DLGAP1: variants seen among roughly 807,000 people sequenced by gnomAD.
DLGAP1 encodes the protein disks large-associated protein 1.
In DLGAP1, 11 loss-of-function variants were observed where a neutral mutation model predicts 90.8. That is an observed-to-expected ratio of 0.12 (90% CI 0.08 to 0.20). The LOEUF is 0.20. DLGAP1 is among the 10% of genes least tolerant of loss of function. The pLI, the probability that DLGAP1 is intolerant of heterozygous loss-of-function variation, is 1.00. For missense variants in DLGAP1, 1,050 were observed against 1,333.8 expected, an observed-to-expected ratio of 0.79 and a Z score of 3.31; for synonymous variants, 558 against 540.7, an observed-to-expected ratio of 1.03 and a Z score of -0.44.
chr18:3,974,618 T>C (rs894574558), intron 3 of DLGAP1, among the ~76,000 whole-genome samples: 3 of 152,168 alleles, frequency 2.0e-5, no homozygotes, highest in African/African-American at 7.2e-5. Context: ...CTGGTGTTCC[T>C]GCTTTGGTTA....
At chr18:4,311,421 G>A (rs926745829) in intron 1 of DLGAP1, among the ~76,000 whole-genome samples, 1 of 152,206 alleles carries the variant, frequency 6.6e-6, no homozygotes, top group Non-Finnish European at 1.5e-5. Flanking sequence ...TGCCTTAGCA[G>A]TTTCTATCTT....
intron 7 of DLGAP1, among the ~76,000 whole-genome samples, chr18:3,618,130 A>C (rs2057947646): frequency 6.6e-6 from 1 of 152,260 alleles, no homozygotes. Context: ...AGAGTCTAAC[A>C]AAGGTTTATC....
chr18:3,502,249 A>C, intron 12 of DLGAP1: 1 of 1,359,982 alleles, frequency 7.4e-7, no homozygotes, highest in Non-Finnish European at 9.5e-7. Flanking sequence ...TTAATTAACA[A>C]AAAAAGCCAC....
At chr18:4,119,699 T>TA (rs896984838) in intron 2 of DLGAP1, among the ~76,000 whole-genome samples, 14 of 151,732 alleles carry the variant, frequency 9.2e-5, no homozygotes, top group Middle Eastern at 3.4e-3. Flanking sequence ...AAGCACTCTT[T>TA]AAAAAAAAAT....
intron 1 of DLGAP1, chr18:4,248,537 G>T (rs1292598044): frequency 6.6e-6 from 1 of 152,226 alleles, no homozygotes. Context: ...CTCAAGGGGG[G>T]AAAGGGGAGA....
At chr18:4,262,995 T>G (rs2079033060) in intron 1 of DLGAP1, among the ~76,000 whole-genome samples, 1 of 152,140 alleles carries the variant, frequency 6.6e-6, no homozygotes, top group African/African-American at 2.4e-5. Flanking sequence ...TGCAGTGGTG[T>G]GATTTCGGCT....
chr18:3,527,741 C>T (rs535960985), intron 10 of DLGAP1, among the ~76,000 whole-genome samples: 13 of 151,938 alleles, frequency 8.6e-5, no homozygotes, highest in African/African-American at 2.9e-4. Flanking sequence ...CAGGTGCATG[C>T]CACCAAGCCT....
At chr18:4,423,186 G>A (rs2083079597) in intron 1 of DLGAP1, among the ~76,000 whole-genome samples, 1 of 152,072 alleles carries the variant, frequency 6.6e-6, no homozygotes, top group Non-Finnish European at 1.5e-5. Context: ...TAAATATTCA[G>A]TTTCTCTGGT....
At chr18:3,900,837 A>G in intron 3 of DLGAP1, among the ~76,000 whole-genome samples, 1 of 152,190 alleles carries the variant, frequency 6.6e-6, no homozygotes, top group East Asian at 1.9e-4. Context: ...TGATAACAAA[A>G]AGGACAAGGA....
intron 3 of DLGAP1, among the ~76,000 whole-genome samples, chr18:3,971,310 T>G (rs2073443964): frequency 6.6e-6 from 1 of 152,202 alleles, no homozygotes; most frequent in African/African-American, 2.4e-5. Context: ...TCCATTAGTT[T>G]AGAATTAAGT....
At chr18:4,245,750 C>A (rs1037597280) in intron 1 of DLGAP1, among the ~76,000 whole-genome samples, 1 of 151,940 alleles carries the variant, frequency 6.6e-6, no homozygotes, top group African/African-American at 2.4e-5. Context: ...GATTTTTCTG[C>A]TATTTCTAGA....
At chr18:4,376,308 T>G (rs1040342512) in intron 1 of DLGAP1, among the ~76,000 whole-genome samples, 1 of 152,182 alleles carries the variant, frequency 6.6e-6, no homozygotes, top group African/African-American at 2.4e-5. Context: ...TTCTCGTCTA[T>G]CTCAAGAGCT....
chr18:4,418,606 T>C (rs750952185), intron 1 of DLGAP1, among the ~76,000 whole-genome samples: 2 of 152,044 alleles, frequency 1.3e-5, no homozygotes, highest in Admixed American at 6.6e-5. Flanking sequence ...CTCAACATAG[T>C]TGAAGAAAGA....
intron 1 of DLGAP1, among the ~76,000 whole-genome samples, chr18:4,396,190 A>C (rs2082435856): frequency 6.6e-6 from 1 of 152,202 alleles, no homozygotes; most frequent in Admixed American, 6.5e-5. Context: ...GAGGAAGAAA[A>C]GTGTAAAGAA....
At chr18:3,875,936 G>A (rs2070989994) in intron 4 of DLGAP1, among the ~76,000 whole-genome samples, 4 of 151,424 alleles carry the variant, frequency 2.6e-5, no homozygotes. Flanking sequence ...TAGAAGAATA[G>A]TGCTTTGCCT....
chr18:3,957,352 C>A (rs997655789), intron 3 of DLGAP1, among the ~76,000 whole-genome samples: 3 of 152,152 alleles, frequency 2.0e-5, no homozygotes, highest in Non-Finnish European at 4.4e-5. Flanking sequence ...CCTGTGGACA[C>A]CTTAACTGAC....
At chr18:4,250,633 T>C (rs2145193104) in intron 1 of DLGAP1, among the ~76,000 whole-genome samples, 1 of 152,316 alleles carries the variant, frequency 6.6e-6, no homozygotes, top group Non-Finnish European at 1.5e-5. Context: ...AGATTTTTGC[T>C]AAAAAGAACC....
chr18:4,211,910 G>T (rs939472269), intron 1 of DLGAP1, among the ~76,000 whole-genome samples: 1 of 152,068 alleles, frequency 6.6e-6, no homozygotes, highest in Admixed American at 6.6e-5. Context: ...TTTGCAGCTT[G>T]TTTGCCAAAT....
intron 8 of DLGAP1, among the ~76,000 whole-genome samples, chr18:3,570,111 T>TA (rs2145173468): frequency 6.6e-6 from 1 of 152,080 alleles, no homozygotes; most frequent in South Asian, 2.1e-4. Context: ...TAGTATGCTC[T>TA]ACCTCCCAGG....
Sources: allele counts gnomAD v4.1 joint callset (sites outside exome capture counted in the v4.1 genomes callset), GRCh38; gene constraint gnomAD v4.1.1; transcripts MANE v1.5; gene names NCBI Gene and HGNC (gene_info 2026-07-23, HGNC 2026-07-21).